Variants in MMP26 observed in about 807,000 individuals in gnomAD.
MMP26 encodes the protein matrix metallopeptidase 26.
A neutral mutation model predicts 31.0 loss-of-function variants in MMP26; 33 were observed. The ratio of observed to expected loss-of-function variants is 1.06; its 90% CI spans 0.81 to 1.42. The LOEUF (loss-of-function observed/expected upper bound fraction) is 1.42, where lower values mean the gene tolerates loss of function less well. Ranked by LOEUF, MMP26 falls within the 40% of genes most tolerant of loss-of-function variation. The probability of loss-of-function intolerance (pLI) is 0.00; values close to 1 mark genes in which losing one functional copy is unlikely to be tolerated. For synonymous variants in MMP26, 122 were observed against 114.9 expected, an observed-to-expected ratio of 1.06 and a Z score of -0.40; for missense variants, 347 against 316.1, an observed-to-expected ratio of 1.10 and a Z score of -0.74.
At chr11:4,748,509 T>C (rs1848408420) in intron 1 of MMP26, among the ~76,000 whole-genome samples, 1 of 149,376 alleles carries the variant, frequency 6.7e-6, no homozygotes, top group South Asian at 2.1e-4. Context: ...TACAGATAAA[T>C]ATCCCTGATG....
At chr11:4,739,861 T>G (rs1848288931) in intron 1 of MMP26, among the ~76,000 whole-genome samples, 1 of 152,204 alleles carries the variant, frequency 6.6e-6, no homozygotes, top group Non-Finnish European at 1.5e-5. Flanking sequence ...TGCCATTTAA[T>G]GTTAATAGTA....
chr11:4,891,289 A>G (rs1391028831), intron 2 of MMP26, among the ~76,000 whole-genome samples: 1 of 152,038 alleles, frequency 6.6e-6, no homozygotes, highest in Non-Finnish European at 1.5e-5. Context: ...GGGAGCTTTT[A>G]TTCATGACAG....
At chr11:4,879,487 T>C (rs1270667059) in intron 2 of MMP26, among the ~76,000 whole-genome samples, 1 of 152,112 alleles carries the variant, frequency 6.6e-6, no homozygotes, top group African/African-American at 2.4e-5. Flanking sequence ...AGCTTTGAAA[T>C]AAGACTTATT....
intron 1 of MMP26, among the ~76,000 whole-genome samples, chr11:4,748,383 C>T (rs1404417466): frequency 6.6e-6 from 1 of 151,826 alleles, no homozygotes; most frequent in African/African-American, 2.4e-5. Flanking sequence ...GAGTTGGTAC[C>T]AATCCAACTA....
At chr11:4,928,725 G>A (rs117155617) in intron 2 of MMP26, among the ~76,000 whole-genome samples, 2,767 of 152,114 alleles carry the variant, frequency 0.018, 34 homozygotes, top group Middle Eastern at 0.037. Flanking sequence ...TCTCCTCTTT[G>A]TACTTCAAGG....
chr11:4,987,669 G>A (rs1272898152), intron 2 of MMP26, among the ~76,000 whole-genome samples: 2 of 151,356 alleles, frequency 1.3e-5, no homozygotes, highest in East Asian at 2.0e-4. Context: ...TGCCCTCCTC[G>A]GCCTCCCAAA....
At chr11:4,959,745 C>A (rs1352381582) in intron 2 of MMP26, among the ~76,000 whole-genome samples, 2 of 152,242 alleles carry the variant, frequency 1.3e-5, no homozygotes, top group East Asian at 3.9e-4. Flanking sequence ...TGTTACAAGA[C>A]CCTTAGAGGT....
chr11:4,861,138 C>A (rs28631390), intron 2 of MMP26, among the ~76,000 whole-genome samples: 1 of 146,452 alleles, frequency 6.8e-6, no homozygotes, highest in Non-Finnish European at 1.5e-5. Flanking sequence ...CATATAGATA[C>A]ACACAGTTTC....
At position 4,842,208 on chromosome 11, in the gene MMP26, G is replaced by A. The variant is rs527271890; in HGVS notation, c.-145+74867G>A. Among the ~76,000 whole-genome samples the A allele has an allele frequency of 4.5e-4, 68 of 152,280 alleles. 1 individual carries two copies. Among genetic ancestry groups the A allele is most frequent in the South Asian group, 1.0e-3 (5 of 4,822 alleles). On this transcript the variant is annotated intron_variant, in intron 2 of 7. Transcript: ENST00000380390. Reference sequence around the variant, plus strand: ...TAAAATGCAGCAGAAACAAAGTTAAGGTGCAGTTTTTATTGGTTTTCTTTT... The same window carrying A: ...TAAAATGCAGCAGAAACAAAGTTAAAGTGCAGTTTTTATTGGTTTTCTTTT...
chr11:4,907,331 G>A, intron 2 of MMP26: 1 of 1,373,458 alleles, frequency 7.3e-7, no homozygotes, highest in Non-Finnish European at 1.0e-6. Flanking sequence ...TCATTTATAT[G>A]GTTTCAGATC....
intron 2 of MMP26, among the ~76,000 whole-genome samples, chr11:4,797,353 G>C (rs920621613): frequency 6.6e-6 from 1 of 152,214 alleles, no homozygotes; most frequent in African/African-American, 2.4e-5. Flanking sequence ...CATCCCAGTT[G>C]GCCCACAGCG....
intron 2 of MMP26, chr11:4,946,538 T>A (rs1400495762): frequency 6.2e-7 from 1 of 1,601,502 alleles, no homozygotes. Context: ...ACAGGCCAAC[T>A]TCATGACATC....
At chr11:4,958,684 C>G (rs1003763654) in intron 2 of MMP26, among the ~76,000 whole-genome samples, 2 of 152,160 alleles carry the variant, frequency 1.3e-5, no homozygotes, top group African/African-American at 2.4e-5. Flanking sequence ...AACTTACCAT[C>G]TATAACAATA....
chr11:4,959,163 G>A (rs1322589482), intron 2 of MMP26, among the ~76,000 whole-genome samples: 6 of 144,338 alleles, frequency 4.2e-5, no homozygotes, highest in African/African-American at 7.7e-5. Context: ...GCGTGAATAC[G>A]GGAGGCGGAG....
intron 2 of MMP26, chr11:4,804,192 G>A (rs566351101): frequency 6.2e-6 from 10 of 1,614,176 alleles, no homozygotes; most frequent in East Asian, 2.2e-5. Context: ...CCAGAAAGAG[G>A]TACATGGGCT....
At chr11:4,971,147 G>T (rs1326035800) in intron 2 of MMP26, among the ~76,000 whole-genome samples, 2 of 152,142 alleles carry the variant, frequency 1.3e-5, no homozygotes, top group Admixed American at 6.5e-5. Context: ...TACCCCAAAA[G>T]TTGAGGAATA....
intron 1 of MMP26, among the ~76,000 whole-genome samples, chr11:4,730,430 G>GAGAGAGAGAT (rs1848159399): frequency 6.6e-6 from 1 of 151,790 alleles, no homozygotes; most frequent in South Asian, 2.1e-4. Context: ...GAGAGAGAGA[G>GAGAGAGAGAT]CAAGCGAGCA....
intron 2 of MMP26, among the ~76,000 whole-genome samples, chr11:4,984,902 C>G (rs748516857): frequency 6.6e-6 from 1 of 152,084 alleles, no homozygotes; most frequent in African/African-American, 2.4e-5. Context: ...GATTTTTAAC[C>G]ATCCTAGAGA....
intron 1 of MMP26, among the ~76,000 whole-genome samples, chr11:4,717,286 C>G (rs187785894): frequency 6.6e-6 from 1 of 152,236 alleles, no homozygotes; most frequent in East Asian, 1.9e-4. Context: ...CTCTGTATCT[C>G]AACAGTCTGG....
Sources: gnomAD v4.1 joint callset for allele counts (sites outside exome capture counted in the v4.1 genomes callset) on GRCh38, gnomAD v4.1.1 for gene constraint, MANE v1.5 for transcripts, NCBI Gene and HGNC (gene_info 2026-07-23, HGNC 2026-07-21) for gene names.